The following FHIT variants were observed in gnomAD, a reference collection of about 807,000 sequenced individuals.
The protein encoded by FHIT is bis(5'-adenosyl)-triphosphatase.
A neutral mutation model predicts 17.9 loss-of-function variants in FHIT; 19 were observed. That is an observed-to-expected ratio of 1.06 (90% CI 0.74 to 1.56). The LOEUF is 1.56. FHIT is among the 40% of genes most tolerant of loss of function. The pLI is 0.00. For synonymous variants in FHIT, 81 were observed against 69.7 expected (o/e 1.16, Z -0.81); for missense variants, 248 against 189.2 (o/e 1.31, Z -1.82).
intron 8 of FHIT, among the ~76,000 whole-genome samples, chr3:59,878,735 T>C (rs955249720): frequency 2.6e-5 from 4 of 152,188 alleles, no homozygotes; most frequent in Non-Finnish European, 4.4e-5. Context: ...GGCCACCTCA[T>C]AGTTATTGAC....
At chr3:59,933,964 C>G (rs1706098317) in intron 7 of FHIT, among the ~76,000 whole-genome samples, 1 of 152,168 alleles carries the variant, frequency 6.6e-6, no homozygotes, top group African/African-American at 2.4e-5. Context: ...CAGAGTAGAG[C>G]TCTGGGAGGG....
At chr3:60,512,100 T>C (rs2034971867) in intron 5 of FHIT, among the ~76,000 whole-genome samples, 1 of 152,176 alleles carries the variant, frequency 6.6e-6, no homozygotes, top group Admixed American at 6.5e-5. Context: ...TATAAATGAC[T>C]CAAGCCAGAA....
At chr3:60,744,462 T>C (rs2042316925) in intron 4 of FHIT, among the ~76,000 whole-genome samples, 1 of 152,064 alleles carries the variant, frequency 6.6e-6, no homozygotes, top group South Asian at 2.1e-4. Flanking sequence ...GTCCACAACT[T>C]TGTTCTAATA....
At chr3:60,783,152 ATT>A (rs35699949) in intron 4 of FHIT, among the ~76,000 whole-genome samples, 1 of 149,156 alleles carries the variant, frequency 6.7e-6, no homozygotes, top group African/African-American at 2.5e-5. Context: ...TAATTTTTGC[ATT>A]TTTTTTTTTG....
intron 5 of FHIT, among the ~76,000 whole-genome samples, chr3:60,116,399 T>G (rs1238222481): frequency 3.9e-5 from 6 of 152,164 alleles, no homozygotes; most frequent in African/African-American, 1.4e-4. Flanking sequence ...CCATTTGAAC[T>G]CGATCCTCAG....
At chr3:60,657,903 GTTA>G (rs2040154999) in intron 4 of FHIT, among the ~76,000 whole-genome samples, 1 of 151,996 alleles carries the variant, frequency 6.6e-6, no homozygotes, top group Non-Finnish European at 1.5e-5. Flanking sequence ...AGCATTTGGC[GTTA>G]TTATTATTTT....
At chr3:60,170,367 T>C (rs1701363564) in intron 5 of FHIT, among the ~76,000 whole-genome samples, 3 of 152,150 alleles carry the variant, frequency 2.0e-5, no homozygotes, top group African/African-American at 7.2e-5. Flanking sequence ...GAATGAAGCT[T>C]GGTATCCCCA....
intron 5 of FHIT, among the ~76,000 whole-genome samples, chr3:60,164,338 A>G (rs1197583530): frequency 6.6e-6 from 1 of 152,222 alleles, no homozygotes; most frequent in Non-Finnish European, 1.5e-5. Flanking sequence ...CCTAATTAAA[A>G]GAAGAGGCTG....
chr3:60,532,251 G>C (rs2035813740), intron 5 of FHIT, among the ~76,000 whole-genome samples: 1 of 152,154 alleles, frequency 6.6e-6, no homozygotes, highest in Admixed American at 6.5e-5. Context: ...ATGCCATTCA[G>C]AATAGCAATG....
Position 60,396,939 on chromosome 3 carries a change from T to A in FHIT, c.103+139921A>T, listed in dbSNP as rs1050523258. ...AAACTTTATCCTCCTCATATCTAAG[T>A]TTAATTTGGGAGGATGTGGGAAGGG... On this transcript the variant is annotated intron_variant, in intron 5 of 9. Transcript: ENST00000492590. Among the ~76,000 whole-genome samples, 3 of 152,190 alleles carry A rather than the reference T, an allele frequency of 2.0e-5. No individual in the cohort carries two copies. The East Asian group carries it at 5.8e-4, about 29-fold the overall frequency.
intron 8 of FHIT, among the ~76,000 whole-genome samples, chr3:59,760,221 G>A (rs920563799): frequency 3.3e-5 from 5 of 152,090 alleles, no homozygotes; most frequent in African/African-American, 1.2e-4. Context: ...ATTAATTAGT[G>A]GCATCCCATT....
chr3:60,918,180 C>T (rs1707101512), intron 3 of FHIT, among the ~76,000 whole-genome samples: 1 of 152,208 alleles, frequency 6.6e-6, no homozygotes, highest in South Asian at 2.1e-4. Context: ...CTTTGCCTTG[C>T]ACCATGATTG....
chr3:60,339,197 C>G (rs1428285925), intron 5 of FHIT, among the ~76,000 whole-genome samples: 1 of 151,852 alleles, frequency 6.6e-6, no homozygotes, highest in Non-Finnish European at 1.5e-5. Context: ...CAAATATTTT[C>G]TTTGGATGTC....
intron 7 of FHIT, among the ~76,000 whole-genome samples, chr3:60,007,536 C>T (rs912407791): frequency 4.6e-5 from 7 of 152,058 alleles, no homozygotes; most frequent in Admixed American, 1.3e-4. Context: ...GAAAATAAAC[C>T]GGAGAAAAAG....
intron 4 of FHIT, among the ~76,000 whole-genome samples, chr3:60,673,283 T>C (rs766833596): frequency 1.3e-5 from 2 of 152,230 alleles, no homozygotes; most frequent in Non-Finnish European, 2.9e-5. Flanking sequence ...TGACTAGCAG[T>C]ACATTTTCTT....
At chr3:60,358,652 G>T (rs1031509264) in intron 5 of FHIT, among the ~76,000 whole-genome samples, 10 of 152,148 alleles carry the variant, frequency 6.6e-5, no homozygotes, top group African/African-American at 2.4e-4. Flanking sequence ...TAAAGAAGGG[G>T]CTGATAACAC....
At chr3:61,105,526 A>G (rs1286213708) in intron 2 of FHIT, among the ~76,000 whole-genome samples, 1 of 152,140 alleles carries the variant, frequency 6.6e-6, no homozygotes, top group Non-Finnish European at 1.5e-5. Context: ...ATGTGAATAT[A>G]AGTAAATAAA....
At chr3:61,232,957 C>T (rs2040142142) in intron 1 of FHIT, among the ~76,000 whole-genome samples, 1 of 152,152 alleles carries the variant, frequency 6.6e-6, no homozygotes, top group African/African-American at 2.4e-5. Context: ...AACGTACATA[C>T]ATATTTGCCT....
intron 5 of FHIT, among the ~76,000 whole-genome samples, chr3:60,321,199 G>A (rs1709411849): frequency 2.0e-5 from 3 of 152,262 alleles, no homozygotes; most frequent in South Asian, 4.1e-4. Flanking sequence ...CTGACAGCAG[G>A]CCAGGTACAG....
Sources: gnomAD v4.1 joint callset for allele counts (sites outside exome capture counted in the v4.1 genomes callset) on GRCh38, gnomAD v4.1.1 for gene constraint, MANE v1.5 for transcripts, NCBI Gene and HGNC (gene_info 2026-07-23, HGNC 2026-07-21) for gene names.